Variants in SBF2 observed in about 807,000 individuals in gnomAD.
SBF2 encodes the protein myotubularin-related protein 13.
Under a neutral mutation model 225.2 loss-of-function variants are expected in SBF2, and 112 were observed. The observed-to-expected ratio is 0.50, with a 90% CI of 0.43 to 0.58. The LOEUF (loss-of-function observed/expected upper bound fraction) is 0.58. Ranked by LOEUF, SBF2 falls within the 20% of genes least tolerant of loss-of-function variation. The pLI is 0.00. For synonymous variants in SBF2, 763 were observed against 773.3 expected, an observed-to-expected ratio of 0.99 and a Z score of 0.22; for missense variants, 1,996 against 2,206.2, an observed-to-expected ratio of 0.90 and a Z score of 1.91.
At position 9,787,654 on chromosome 11, in the gene SBF2, C is replaced by CT; in HGVS notation, c.5016dup (p.Glu1673ArgfsTer62). On this transcript the variant is annotated frameshift_variant, in exon 36 of 40. Transcript: ENST00000256190. LOFTEE classifies it high-confidence loss of function. ...CTCACGCGATCTGTTCTTGGTTCTTCTTTAAGGTCCACGGTTACCCTTTCC... is the reference window on the plus strand; with the variant it reads ...CTCACGCGATCTGTTCTTGGTTCTTCTTTTAAGGTCCACGGTTACCCTTTCC... 6.2e-7 allele frequency: 1 copy of CT among 1,614,138 alleles called. No individual in the cohort carries two copies. Among genetic ancestry groups the CT allele is most frequent in the Non-Finnish European group, 8.5e-7 (1 of 1,179,978 alleles).
rs1461907909 is a variant in SBF2 at position 10,181,576 on chromosome 11, T to C, written c.141+12326A>G. On this transcript the variant is annotated intron_variant, in intron 2 of 39. Coordinates refer to ENST00000256190, the MANE Select transcript of SBF2 (RefSeq NM_030962.4). ...ATTTTACTAAGGACTTTTATCTTTA[T>C]AATTAATCTATGAAATTGTGACTCC... is the stretch of plus-strand genomic sequence containing the variant. 2.0e-5 allele frequency among the ~76,000 whole-genome samples: 3 copies of C among 152,270 alleles called. No homozygotes were observed. In the East Asian group the frequency reaches 5.8e-4, roughly 29 times the overall value.
At chr11:10,174,882 C>T (rs1354519280) in intron 2 of SBF2, among the ~76,000 whole-genome samples, 1 of 150,616 alleles carries the variant, frequency 6.6e-6, no homozygotes, top group Non-Finnish European at 1.5e-5. Flanking sequence ...AAAGAATTTT[C>T]AACCCAGAAT....
intron 27 of SBF2, among the ~76,000 whole-genome samples, chr11:9,830,420 T>C (rs1010014557): frequency 6.6e-6 from 1 of 152,132 alleles, no homozygotes; most frequent in Non-Finnish European, 1.5e-5. Flanking sequence ...ATCACATCAA[T>C]TGTAAGATGC....
intron 18 of SBF2, 94 bp from the exon 19 acceptor site, chr11:9,856,814 G>A (rs1347010823): frequency 1.6e-6 from 2 of 1,289,314 alleles, no homozygotes; most frequent in African/African-American, 1.6e-5. Flanking sequence ...TTGAGACGGA[G>A]TCTCGCTCTG....
At chr11:10,247,164 G>C (rs917211763) in intron 1 of SBF2, among the ~76,000 whole-genome samples, 1 of 152,110 alleles carries the variant, frequency 6.6e-6, no homozygotes, top group African/African-American at 2.4e-5. Flanking sequence ...CACTTTCCCA[G>C]CCAGCACATT....
chr11:10,220,344 G>A (rs913088406), intron 1 of SBF2, among the ~76,000 whole-genome samples: 6 of 152,034 alleles, frequency 3.9e-5, no homozygotes, highest in African/African-American at 1.2e-4. Context: ...GATGACACAC[G>A]AGAATTATGA....
chr11:9,862,198 T>A (rs1857810063), intron 17 of SBF2, among the ~76,000 whole-genome samples: 1 of 152,252 alleles, frequency 6.6e-6, no homozygotes. Context: ...AGACATGCAG[T>A]TTGCCTTCTT....
At chr11:10,096,014 C>T (rs2134941945) in intron 2 of SBF2, among the ~76,000 whole-genome samples, 1 of 152,154 alleles carries the variant, frequency 6.6e-6, no homozygotes, top group African/African-American at 2.4e-5. Context: ...GAACCAGGAG[C>T]CACAACCAGT....
chr11:10,076,012 A>C (rs963464686), intron 2 of SBF2, among the ~76,000 whole-genome samples: 2 of 152,246 alleles, frequency 1.3e-5, no homozygotes, highest in Admixed American at 1.3e-4. Flanking sequence ...TCATCCAAGA[A>C]GAAACATGAG....
At chr11:9,951,682 CACGG>C (rs1302715832) in intron 16 of SBF2, among the ~76,000 whole-genome samples, 1 of 152,140 alleles carries the variant, frequency 6.6e-6, no homozygotes, top group Admixed American at 6.5e-5. Context: ...TACCCAGTTT[CACGG>C]ACAAATAAAA....
intron 17 of SBF2, among the ~76,000 whole-genome samples, chr11:9,859,284 C>T (rs1004622540): frequency 2.0e-5 from 3 of 152,140 alleles, no homozygotes; most frequent in African/African-American, 7.2e-5. Flanking sequence ...GTTTTCCCCT[C>T]ACTTTATGAT....
chr11:10,061,746 T>A (rs1950454311), intron 2 of SBF2, among the ~76,000 whole-genome samples: 1 of 152,104 alleles, frequency 6.6e-6, no homozygotes, highest in African/African-American at 2.4e-5. Context: ...AGAATCAATA[T>A]CATTAAAATG....
intron 17 of SBF2, among the ~76,000 whole-genome samples, chr11:9,892,538 T>C (rs1400246104): frequency 6.6e-6 from 1 of 151,100 alleles, no homozygotes; most frequent in Non-Finnish European, 1.5e-5. Flanking sequence ...CTTTCTGTAC[T>C]ATCTGGAAAA....
At chr11:10,240,837 T>C (rs1014165923) in intron 1 of SBF2, among the ~76,000 whole-genome samples, 3 of 152,208 alleles carry the variant, frequency 2.0e-5, no homozygotes, top group Admixed American at 1.3e-4. Context: ...TCAATAAAAG[T>C]ATTAAAGTTC....
chr11:10,133,518 T>C lies in SBF2; in HGVS notation c.141+60384A>G, dbSNP rs368302671. Among the ~76,000 whole-genome samples, 30 of 135,586 alleles carry C rather than the reference T, an allele frequency of 2.2e-4. 5 individuals carry two copies. Among genetic ancestry groups the C allele is most frequent in the East Asian group, 1.8e-3 (8 of 4,446 alleles). 88.9% of individuals were successfully genotyped at this position (135,586 alleles called of 152,430 possible). ...CGGTGGGCCAGCACTGCTGGGGGAC[T>C]CAGTACACCCTCCGCAGCCACTGGC... is the stretch of plus-strand genomic sequence containing the variant. On this transcript the variant is annotated intron_variant, in intron 2 of 39. Coordinates refer to ENST00000256190, the MANE Select transcript of SBF2 (RefSeq NM_030962.4).
At chr11:10,063,858 C>CACACACACACACACAGAG (rs373423157) in intron 2 of SBF2, among the ~76,000 whole-genome samples, 4 of 136,168 alleles carry the variant, frequency 2.9e-5, no homozygotes, top group African/African-American at 1.1e-4. Flanking sequence ...CACACACACA[C>CACACACACACACACAGAG]AGAGAGAGAG....
chr11:9,987,577 G>A (rs1226297619), intron 13 of SBF2, among the ~76,000 whole-genome samples: 1 of 152,092 alleles, frequency 6.6e-6, no homozygotes, highest in Non-Finnish European at 1.5e-5. Flanking sequence ...AAAGTTTCCG[G>A]ATCTGAGATT....
At chr11:10,230,885 G>A (rs556516329) in intron 1 of SBF2, among the ~76,000 whole-genome samples, 2 of 152,236 alleles carry the variant, frequency 1.3e-5, no homozygotes, top group Non-Finnish European at 2.9e-5. Flanking sequence ...AGTTCTCCTG[G>A]ATAATATCCT....
intron 1 of SBF2, among the ~76,000 whole-genome samples, chr11:10,283,559 A>C (rs1216152960): frequency 1.3e-5 from 2 of 152,190 alleles, no homozygotes; most frequent in Non-Finnish European, 1.5e-5. Context: ...AATAATTAAC[A>C]TAATTGACTC....
Sources: allele counts gnomAD v4.1 joint callset (sites outside exome capture counted in the v4.1 genomes callset), GRCh38; gene constraint gnomAD v4.1.1; transcripts MANE v1.5; gene names NCBI Gene and HGNC (gene_info 2026-07-23, HGNC 2026-07-21).